TBX4: variants seen among roughly 807,000 people sequenced by gnomAD.
The protein encoded by TBX4 is T-box transcription factor 4.
In TBX4, 13 loss-of-function variants were observed where a neutral mutation model predicts 54.6. The ratio of observed to expected loss-of-function variants is 0.24; its 90% CI spans 0.15 to 0.38. The LOEUF is 0.38. Ranked by LOEUF, TBX4 falls within the 10% of genes least tolerant of loss-of-function variation. The probability of loss-of-function intolerance (pLI) is 1.00; values close to 1 mark genes in which losing one functional copy is unlikely to be tolerated. For synonymous variants in TBX4, 314 were observed against 306.7 expected (o/e 1.02, Z -0.25); for missense variants, 631 against 728.5 (o/e 0.87, Z 1.54).
At position 61,480,068 on chromosome 17, in the gene TBX4, C is replaced by T. The variant is rs769968392; in HGVS notation, c.792-22C>T. 3 of 1,612,592 alleles carry T rather than the reference C, an allele frequency of 1.9e-6. No homozygotes were observed. Among genetic ancestry groups the T allele is most frequent in the Non-Finnish European group, 1.7e-6 (2 of 1,178,688 alleles). On this transcript the variant is annotated intron_variant, in intron 7 of 8. Transcript: ENST00000644296. The surrounding 1 kb of genome is among the most constrained non-coding windows in gnomAD (Gnocchi z 6.2). ...TCTTCACTCTCTTCCTGTCTCTCCTCCTGTCCTCCCCACCCCTTCAGCAAA... is the reference window on the plus strand; with the variant it reads ...TCTTCACTCTCTTCCTGTCTCTCCTTCTGTCCTCCCCACCCCTTCAGCAAA...
chr17:61,465,983 A>G lies in TBX4; in HGVS notation c.401+45A>G. On this transcript the variant is annotated intron_variant, in intron 4 of 8. Transcript: ENST00000644296. This position sits in a 1 kb window ranked among gnomAD's most constrained non-coding sequence, Gnocchi z 4.9. ...ATCACCCACGTTCCCTCAACTGCCC[A>G]CTTGCCACGCCCCCACCTAGTGTTT... is the stretch of plus-strand genomic sequence containing the variant. 1 of 1,611,454 alleles carries G rather than the reference A, an allele frequency of 6.2e-7. No homozygotes were observed. Among genetic ancestry groups the G allele is most frequent in the Admixed American group, 1.7e-5 (1 of 59,922 alleles).
intron 5 of TBX4, among the ~76,000 whole-genome samples, chr17:61,469,080 C>T (rs187879133): frequency 1.3e-5 from 2 of 152,318 alleles, no homozygotes; most frequent in East Asian, 1.9e-4. Context: ...GCCATTTGTC[C>T]CTAGAGATCC....
rs1304231527 is a variant in TBX4, at chr17:61,479,840, T to C, written c.703-41T>C. ...AAATGTGGAAACTGAGACACATTTGTGTGCCTCACACTGGTGACCCTATGT... is the reference window on the plus strand; with the variant it reads ...AAATGTGGAAACTGAGACACATTTGCGTGCCTCACACTGGTGACCCTATGT... On this transcript the variant is annotated intron_variant, in intron 6 of 8. Coordinates refer to ENST00000644296, the MANE Select transcript of TBX4 (RefSeq NM_001321120.2). This position sits in a 1 kb window ranked among gnomAD's most constrained non-coding sequence, Gnocchi z 6.1. 15 of 1,592,022 alleles carry C rather than the reference T, an allele frequency of 9.4e-6. No individual in the cohort carries two copies. The highest frequency in any genetic ancestry group is 1.2e-5 in the Non-Finnish European group (14 of 1,159,900).
At position 61,468,060 on chromosome 17, in the gene TBX4, T is replaced by G. The variant is rs2143827025; in HGVS notation, c.549+403T>G. Among the ~76,000 whole-genome samples the G allele has an allele frequency of 2.0e-5, 3 of 152,322 alleles. No individual in the cohort carries two copies. The South Asian group carries it at 6.2e-4, about 32-fold the overall frequency. Reference sequence around the variant, plus strand: ...ATCTCAGCTTCAGTTCCCCAAAATCTTGCCTTGCTGGAACATAACACAAGA... The same window carrying G: ...ATCTCAGCTTCAGTTCCCCAAAATCGTGCCTTGCTGGAACATAACACAAGA... On this transcript the variant is annotated intron_variant, in intron 5 of 8. Coordinates refer to ENST00000644296, the MANE Select transcript of TBX4 (RefSeq NM_001321120.2).
intron 4 of TBX4, 151 bp downstream of exon 4, chr17:61,466,089 A>G (rs908254461): frequency 3.8e-6 from 5 of 1,321,122 alleles, no homozygotes; most frequent in Non-Finnish European, 5.3e-6. Context: ...GGCTGTGCGG[A>G]GGCTGAGGTG....
chr17:61,462,649 TGGTGGCAGGGCCTGCGTGG>T lies in TBX4; in HGVS notation c.282-3169_282-3151del. Reference sequence around the variant, plus strand: ...GACAGGCGGGCTTCACCGCCAGCGCTGGTGGCAGGGCCTGCGTGGACACAGGCGGCACACACAGTGTCTT... The same window carrying T: ...GACAGGCGGGCTTCACCGCCAGCGCTACACAGGCGGCACACACAGTGTCTT... On this transcript the variant is annotated intron_variant, in intron 3 of 8. Transcript: ENST00000644296. This position sits in a 1 kb window ranked among gnomAD's most constrained non-coding sequence, Gnocchi z 4.5. Among the ~76,000 whole-genome samples the T allele has an allele frequency of 6.6e-6, 1 of 152,184 alleles. No homozygotes were observed. The highest frequency in any genetic ancestry group is 1.9e-4 in the East Asian group (1 of 5,178).
chr17:61,473,590 T>C (rs1400229051), intron 5 of TBX4, among the ~76,000 whole-genome samples: 1 of 152,204 alleles, frequency 6.6e-6, no homozygotes, highest in African/African-American at 2.4e-5. Flanking sequence ...TGGCAAGCCC[T>C]GAACTCCAGA....
At chr17:61,467,700 C>T (rs1192189910) in intron 5 of TBX4, 43 bp downstream of exon 5, 1 of 1,613,232 alleles carries the variant, frequency 6.2e-7, no homozygotes, top group East Asian at 2.2e-5. Flanking sequence ...AAGTCTGGGG[C>T]AGTTTTAGGG....
chr17:61,454,824 A>T (rs1454747134), intron 1 of TBX4, among the ~76,000 whole-genome samples: 1 of 152,302 alleles, frequency 6.6e-6, no homozygotes, highest in Non-Finnish European at 1.5e-5. Flanking sequence ...CCCCATGGCC[A>T]TGCGGGCCAA....
chr17:61,452,869 C>T (rs1047175445), intron 1 of TBX4: 2 of 956,926 alleles, frequency 2.1e-6, no homozygotes. Context: ...ATCGACAGCG[C>T]CAGCACCCTA....
rs1020882080 is a variant in TBX4, at chr17:61,481,443, G to A, written c.1021+1124G>A. 1 of 152,242 alleles carries A rather than the reference G, an allele frequency of 6.6e-6. No individual in the cohort carries two copies. The highest frequency in any genetic ancestry group is 1.5e-5 in the Non-Finnish European group (1 of 68,056). 9.4% of individuals were successfully genotyped at this position (152,242 alleles called of 1,614,324 possible). ...GTCCTTTGCAGAAAAAGTTTGCCCA[G>A]TCTTGACCTAGAGTGAGTAGGCCAC... On this transcript the variant is annotated intron_variant, in intron 8 of 8. Transcript: ENST00000644296. This position sits in a 1 kb window ranked among gnomAD's most constrained non-coding sequence, Gnocchi z 4.8.
Position 61,454,418 on chromosome 17 carries a change from G to C in TBX4, c.-4+1841G>C, listed in dbSNP as rs376964587. The stretch of plus-strand genomic sequence containing the variant: ...CCGCGGAGGAGTGGATGTGAAGGAC[G>C]AGAGCGGACCGCTATGCGGTGCTGA... On this transcript the variant is annotated intron_variant, in intron 1 of 8. Transcript: ENST00000644296. Among the ~76,000 whole-genome samples, 89 of 152,382 alleles carry C rather than the reference G, an allele frequency of 5.8e-4. No individual in the cohort carries two copies. The East Asian group carries it at 7.7e-3, about 13-fold the overall frequency.
Position 61,465,431 on chromosome 17 carries a change from G to C in TBX4, c.282-388G>C, listed in dbSNP as rs1042571225. Among the ~76,000 whole-genome samples, 1 of 152,220 alleles carries C rather than the reference G, an allele frequency of 6.6e-6. No individual in the cohort carries two copies. The highest frequency in any genetic ancestry group is 1.5e-5 in the Non-Finnish European group (1 of 68,042). The stretch of plus-strand genomic sequence containing the variant: ...GTGTGGGCTGGCAAAGGACAGGAGG[G>C]AAATTAAGGCAGCAAGGTTGGCGTC... On this transcript the variant is annotated intron_variant, in intron 3 of 8. Coordinates refer to ENST00000644296, the MANE Select transcript of TBX4 (RefSeq NM_001321120.2). The surrounding 1 kb of genome is among the most constrained non-coding windows in gnomAD (Gnocchi z 4.9).
intron 1 of TBX4, 155 bp from the exon 2 acceptor site, chr17:61,456,333 G>C: frequency 2.1e-6 from 2 of 970,540 alleles, no homozygotes; most frequent in Non-Finnish European, 3.2e-6. Context: ...CCTTCCTTGC[G>C]GGTTCCCTCC....
chr17:61,470,213 C>T (rs2060567239), intron 5 of TBX4, among the ~76,000 whole-genome samples: 1 of 152,218 alleles, frequency 6.6e-6, no homozygotes, highest in Non-Finnish European at 1.5e-5. Flanking sequence ...CATCCCATTT[C>T]CTCATCCCAG....
intron 5 of TBX4, among the ~76,000 whole-genome samples, chr17:61,477,264 G>T (rs1050453385): frequency 1.3e-5 from 2 of 152,230 alleles, no homozygotes; most frequent in African/African-American, 4.8e-5. Context: ...TCTGGCAAAT[G>T]TCAACGATAA....
At position 61,457,687 on chromosome 17, in the gene TBX4, G is replaced by A. The variant is rs933498412; in HGVS notation, c.281+56G>A. 6 of 1,561,630 alleles carry A rather than the reference G, an allele frequency of 3.8e-6. No homozygotes were observed. Among genetic ancestry groups the A allele is most frequent in the Non-Finnish European group, 5.3e-6 (6 of 1,135,732 alleles). ...GGCGGTGGGGAGCAAGGGGGGCCAG[G>A]GAGGTCCCTTAGAAGTCCTCTCGGC... On this transcript the variant is annotated intron_variant, in intron 3 of 8. Transcript: ENST00000644296. The surrounding 1 kb of genome is among the most constrained non-coding windows in gnomAD (Gnocchi z 8.2).
chr17:61,467,768 T>C, intron 5 of TBX4, 111 bp downstream of exon 5: 1 of 1,421,394 alleles, frequency 7.0e-7, no homozygotes, highest in South Asian at 1.3e-5. Context: ...GCTCCAGGCT[T>C]TGGCGCTCAC....
rs1017238596 is a variant in TBX4, at chr17:61,465,570, G to A, written c.282-249G>A. On this transcript the variant is annotated intron_variant, in intron 3 of 8. Coordinates refer to ENST00000644296, the MANE Select transcript of TBX4 (RefSeq NM_001321120.2). The surrounding 1 kb of genome is among the most constrained non-coding windows in gnomAD (Gnocchi z 4.9). ...GGGATAAGTGAATTTGGGAAATGGT[G>A]TAAACTCTCCTCCTAGACACAGACT... Among the ~76,000 whole-genome samples, 1 of 152,200 alleles carries A rather than the reference G, an allele frequency of 6.6e-6. No individual in the cohort carries two copies. Among genetic ancestry groups the A allele is most frequent in the East Asian group, 1.9e-4 (1 of 5,196 alleles).
Sources: allele counts gnomAD v4.1 joint callset (sites outside exome capture counted in the v4.1 genomes callset), GRCh38; gene constraint gnomAD v4.1.1; non-coding constraint Gnocchi (gnomAD v3.1); transcripts MANE v1.5; gene names NCBI Gene and HGNC (gene_info 2026-07-23, HGNC 2026-07-21).